Variants in ADAT2 observed in about 807,000 individuals in gnomAD.
The protein encoded by ADAT2 is adenosine deaminase tRNA specific 2, also known as tRNA-specific adenosine-34 deaminase catalytic subunit ADAT2.
ADAT2 carries 26 observed loss-of-function variants against 25.9 expected under a neutral mutation model. The ratio of observed to expected loss-of-function variants is 1.00; its 90% CI spans 0.74 to 1.39. The LOEUF (loss-of-function observed/expected upper bound fraction) is 1.39. Among genes scored for constraint, ADAT2 ranks in the 40% most tolerant of loss-of-function variants. The pLI is 0.00. For synonymous variants in ADAT2, 76 were observed against 86.8 expected (o/e 0.88, Z 0.69); for missense variants, 220 against 244.8 (o/e 0.90, Z 0.68).
Position 143,450,198 on chromosome 6 carries a change from C to T in ADAT2, c.96+365G>A, listed in dbSNP as rs184189797. ...ACCAGAAACGTTCTCAGTTTCCTTC[C>T]TTCTGCTGGACATGTTCCAAGGGCC... On this transcript the variant is annotated intron_variant, in intron 1 of 5. Coordinates refer to ENST00000237283, the MANE Select transcript of ADAT2 (RefSeq NM_182503.3). Among the ~76,000 whole-genome samples the T allele has an allele frequency of 3.3e-5, 5 of 152,208 alleles. No homozygotes were observed. In the East Asian group the frequency reaches 9.7e-4, roughly 29 times the overall value.
At chr6:143,447,741 T>A (rs750490516) in intron 1 of ADAT2, among the ~76,000 whole-genome samples, 4 of 152,144 alleles carry the variant, frequency 2.6e-5, no homozygotes, top group Non-Finnish European at 5.9e-5. Context: ...GCCTTTTATA[T>A]CTGCCTAGCC....
chr6:143,448,134 A>G (rs1779649092), intron 1 of ADAT2, among the ~76,000 whole-genome samples: 1 of 152,164 alleles, frequency 6.6e-6, no homozygotes, highest in Admixed American at 6.5e-5. Flanking sequence ...CATCATTCTG[A>G]GCAAACTATC....
At chr6:143,433,225 C>T (rs1295936309) in intron 3 of ADAT2, among the ~76,000 whole-genome samples, 1 of 152,124 alleles carries the variant, frequency 6.6e-6, no homozygotes, top group Non-Finnish European at 1.5e-5. Flanking sequence ...CTGAGTTTTT[C>T]AATTTTCAAA....
chr6:143,440,763 C>T lies in ADAT2; in HGVS notation c.97-2069G>A, dbSNP rs908669037. On this transcript the variant is annotated intron_variant, in intron 1 of 5. Coordinates refer to ENST00000237283, the MANE Select transcript of ADAT2 (RefSeq NM_182503.3). The surrounding 1 kb of genome is among the most constrained non-coding windows in gnomAD (Gnocchi z 4.5). ...CGGACAGTTAAGGAGAATGGAAATG[C>T]TAACTACCAGTGTAGCTATGGCAAT... is the stretch of plus-strand genomic sequence containing the variant. Among the ~76,000 whole-genome samples the T allele has an allele frequency of 1.3e-5, 2 of 152,296 alleles. No homozygotes were observed. The highest frequency in any genetic ancestry group is 6.5e-5 in the Admixed American group (1 of 15,300).
intron 2 of ADAT2, 34 bp downstream of exon 2, chr6:143,438,556 G>A: frequency 6.6e-7 from 1 of 1,526,090 alleles, no homozygotes; most frequent in African/African-American, 1.4e-5. Context: ...CATCACTACT[G>A]TATGTTTGCA....
At chr6:143,433,459 T>C (rs1021050388) in intron 3 of ADAT2, among the ~76,000 whole-genome samples, 4 of 152,114 alleles carry the variant, frequency 2.6e-5, no homozygotes, top group Admixed American at 2.6e-4. Context: ...GAAAAAAAAA[T>C]TTAAACCACT....
At position 143,440,622 on chromosome 6, in the gene ADAT2, A is replaced by T. The variant is rs117501311; in HGVS notation, c.97-1928T>A. ...GCCGGTTGTGTCCCAGTTCTGTGAC[A>T]GTGGTTAAAGCATGTCCAGTTTATG... On this transcript the variant is annotated intron_variant, in intron 1 of 5. Coordinates refer to ENST00000237283, the MANE Select transcript of ADAT2 (RefSeq NM_182503.3). The surrounding 1 kb of genome is among the most constrained non-coding windows in gnomAD (Gnocchi z 4.5). Among the ~76,000 whole-genome samples the T allele has an allele frequency of 2.1e-4, 32 of 152,338 alleles. No individual in the cohort carries two copies. The East Asian group carries it at 5.6e-3, about 27-fold the overall frequency.
rs995590226 is a variant in ADAT2 at position 143,440,987 on chromosome 6, G to T, written c.97-2293C>A. Reference sequence around the variant, plus strand: ...GTGATAACGGAAGGAGAGAGAGAGAGATTTGAAAATGCTGCACTGCTGGCT... The same window carrying T: ...GTGATAACGGAAGGAGAGAGAGAGATATTTGAAAATGCTGCACTGCTGGCT... On this transcript the variant is annotated intron_variant, in intron 1 of 5. Transcript: ENST00000237283. This position sits in a 1 kb window ranked among gnomAD's most constrained non-coding sequence, Gnocchi z 4.5. Among the ~76,000 whole-genome samples, 1 of 152,124 alleles carries T rather than the reference G, an allele frequency of 6.6e-6. No homozygotes were observed. Among genetic ancestry groups the T allele is most frequent in the Non-Finnish European group, 1.5e-5 (1 of 68,026 alleles).
At position 143,443,360 on chromosome 6, in the gene ADAT2, G is replaced by A. The variant is rs1779515146; in HGVS notation, c.97-4666C>T. 2.0e-5 allele frequency among the ~76,000 whole-genome samples: 3 copies of A among 152,120 alleles called. No homozygotes were observed. In the South Asian group the frequency reaches 6.2e-4, roughly 31 times the overall value. ...ACTTCACCGATCAGCTGCTTTATCA[G>A]GGTTTGAGTTTAGAGTGAATCAAGG... On this transcript the variant is annotated intron_variant, in intron 1 of 5. Transcript: ENST00000237283.
chr6:143,431,787 C>T (rs1486541277), intron 4 of ADAT2, among the ~76,000 whole-genome samples: 3 of 152,174 alleles, frequency 2.0e-5, no homozygotes, highest in African/African-American at 7.2e-5. Context: ...AAGCACAATA[C>T]TTTTACATTA....
intron 4 of ADAT2, among the ~76,000 whole-genome samples, chr6:143,431,561 T>C (rs1779116758): frequency 1.3e-5 from 2 of 152,210 alleles, no homozygotes; most frequent in South Asian, 4.1e-4. Context: ...TCTTTTCTGA[T>C]GTAATGTTAA....
chr6:143,436,037 A>C lies in ADAT2; in HGVS notation c.202-2056T>G, dbSNP rs1272352153. 1.3e-5 allele frequency among the ~76,000 whole-genome samples: 2 copies of C among 152,206 alleles called. No individual in the cohort carries two copies. The highest frequency in any genetic ancestry group is 2.9e-5 in the Non-Finnish European group (2 of 68,020). The stretch of plus-strand genomic sequence containing the variant: ...TTTGAAATTATTGCACATGTGAGTT[A>C]AAATTAAAAGACTGTATATATTTGT... On this transcript the variant is annotated intron_variant, in intron 2 of 5. Transcript: ENST00000237283. The surrounding 1 kb of genome is among the most constrained non-coding windows in gnomAD (Gnocchi z 4.1).
chr6:143,438,470 A>G, intron 2 of ADAT2, 120 bp downstream of exon 2: 1 of 584,548 alleles, frequency 1.7e-6, no homozygotes, highest in Non-Finnish European at 2.9e-6. Flanking sequence ...AAGAAAAGCT[A>G]CCCACCACTG....
At chr6:143,439,497 C>A (rs1779394759) in intron 1 of ADAT2, among the ~76,000 whole-genome samples, 1 of 152,128 alleles carries the variant, frequency 6.6e-6, no homozygotes, top group African/African-American at 2.4e-5. Context: ...TAATGGAATA[C>A]TAGTCGGCAA....
rs1171829943 is a variant in ADAT2 at position 143,428,018 on chromosome 6, A to G, written c.*445T>C. The G allele has an allele frequency of 6.0e-6, 1 of 167,348 alleles. No individual in the cohort carries two copies. The highest frequency in any genetic ancestry group is 2.4e-5 in the African/African-American group (1 of 41,602). The allele number at this position is 167,348 out of a possible 1,614,324, so 10.4% of individuals were successfully genotyped here. A position where few individuals can be genotyped will look rare whatever the true frequency, so the allele number is the denominator to read the frequency against. On this transcript the variant is annotated 3_prime_UTR_variant, in exon 6 of 6. Transcript: ENST00000237283. This position sits in a 1 kb window ranked among gnomAD's most constrained non-coding sequence, Gnocchi z 5.0. ...GTCACAGCCCCCAGTGCCCTGGAAGAACATCGTAGCTGCAAAAAATGAAGA... is the reference window on the plus strand; with the variant it reads ...GTCACAGCCCCCAGTGCCCTGGAAGGACATCGTAGCTGCAAAAAATGAAGA...
At position 143,446,144 on chromosome 6, in the gene ADAT2, C is replaced by T. The variant is rs746612931; in HGVS notation, c.96+4419G>A. On this transcript the variant is annotated intron_variant, in intron 1 of 5. Transcript: ENST00000237283. This position sits in a 1 kb window ranked among gnomAD's most constrained non-coding sequence, Gnocchi z 5.0. ...TATAATCCCTGTTATTCTGAAGCAA[C>T]GGGGGTTTTTTCTGTTTTTTCCTAT... is the stretch of plus-strand genomic sequence containing the variant. Among the ~76,000 whole-genome samples the T allele has an allele frequency of 6.7e-5, 10 of 149,904 alleles. No homozygotes were observed. Among genetic ancestry groups the T allele is most frequent in the Non-Finnish European group, 1.3e-4 (9 of 67,706 alleles).
chr6:143,446,868 C>T lies in ADAT2; in HGVS notation c.96+3695G>A, dbSNP rs746542587. Among the ~76,000 whole-genome samples the T allele has an allele frequency of 6.6e-5, 10 of 152,054 alleles. No homozygotes were observed. Among genetic ancestry groups the T allele is most frequent in the Non-Finnish European group, 1.3e-4 (9 of 68,012 alleles). ...GCTTCTGTGGGGCTTATAACATGGC[C>T]CACATGAAAACACTGTGCATAGCAT... On this transcript the variant is annotated intron_variant, in intron 1 of 5. Coordinates refer to ENST00000237283, the MANE Select transcript of ADAT2 (RefSeq NM_182503.3). This position sits in a 1 kb window ranked among gnomAD's most constrained non-coding sequence, Gnocchi z 5.0.
rs1461979304 is a variant in ADAT2 at position 143,423,466 on chromosome 6, T to C, written c.*4997A>G. 1 of 152,224 alleles carries C rather than the reference T, an allele frequency of 6.6e-6. No individual in the cohort carries two copies. Among genetic ancestry groups the C allele is most frequent in the African/African-American group, 2.4e-5 (1 of 41,444 alleles). 9.4% of individuals were successfully genotyped at this position (152,224 alleles called of 1,614,324 possible). ...TGGGCCATACTTTGTGGACTCCTGC[T>C]CTAGATTCTCAAGTTCATGCTTCAA... On this transcript the variant is annotated 3_prime_UTR_variant, in exon 6 of 6. Transcript: ENST00000237283.
At chr6:143,438,375 T>G (rs1199516196) in intron 2 of ADAT2, among the ~76,000 whole-genome samples, 1 of 152,198 alleles carries the variant, frequency 6.6e-6, no homozygotes, top group Non-Finnish European at 1.5e-5. Flanking sequence ...TTCATTAAAT[T>G]GTTCTGAATT....
Sources: gnomAD v4.1 joint callset for allele counts (sites outside exome capture counted in the v4.1 genomes callset) on GRCh38, gnomAD v4.1.1 for gene constraint, Gnocchi (gnomAD v3.1) non-coding constraint, MANE v1.5 for transcripts, NCBI Gene and HGNC (gene_info 2026-07-23, HGNC 2026-07-21) for gene names.